The following NEK11 variants were observed in gnomAD, a reference collection of about 807,000 sequenced individuals.
NEK11 encodes NIMA related kinase 11.
A neutral mutation model predicts 80.7 loss-of-function variants in NEK11; 72 were observed. The ratio of observed to expected loss-of-function variants is 0.89; its 90% CI spans 0.74 to 1.08. The LOEUF is 1.08. Ranked by LOEUF, NEK11 falls within the 50% of genes least tolerant of loss-of-function variation. The pLI, the probability that NEK11 is intolerant of heterozygous loss-of-function variation, is 0.00. For synonymous variants in NEK11, 251 were observed against 260.7 expected, an observed-to-expected ratio of 0.96 and a Z score of 0.36; for missense variants, 764 against 763.6, an observed-to-expected ratio of 1.00 and a Z score of -0.01.
intron 14 of NEK11, among the ~76,000 whole-genome samples, chr3:131,202,166 C>G: frequency 6.6e-6 from 1 of 152,108 alleles, no homozygotes; most frequent in Non-Finnish European, 1.5e-5. Context: ...GTTTGCAGGT[C>G]CCAGCATGAT....
intron 17 of NEK11, among the ~76,000 whole-genome samples, chr3:131,278,411 T>C (rs2096337412): frequency 6.6e-6 from 1 of 152,160 alleles, no homozygotes; most frequent in African/African-American, 2.4e-5. Flanking sequence ...GATAGATAAA[T>C]GATGAATGGA....
chr3:131,311,663 T>C (rs1248456988), intron 17 of NEK11, among the ~76,000 whole-genome samples: 3 of 152,204 alleles, frequency 2.0e-5, no homozygotes, highest in Non-Finnish European at 2.9e-5. Flanking sequence ...GAAACATGGA[T>C]GATTGTGGAA....
chr3:131,144,639 G>A (rs2087746482), intron 7 of NEK11, among the ~76,000 whole-genome samples: 1 of 152,156 alleles, frequency 6.6e-6, no homozygotes, highest in African/African-American at 2.4e-5. Context: ...AACACTGACA[G>A]TGGTTCTGAG....
intron 4 of NEK11, among the ~76,000 whole-genome samples, chr3:131,094,821 C>G (rs967011979): frequency 4.6e-5 from 7 of 152,112 alleles, no homozygotes; most frequent in African/African-American, 1.7e-4. Context: ...ATGGGTTTGA[C>G]AAACCAGACA....
chr3:131,089,604 A>T (rs1242168307), intron 4 of NEK11, among the ~76,000 whole-genome samples: 1 of 151,846 alleles, frequency 6.6e-6, no homozygotes, highest in Non-Finnish European at 1.5e-5. Context: ...ACGCCTGGCT[A>T]ATTTTTGTGT....
chr3:131,069,305 A>G (rs556302874), intron 3 of NEK11, among the ~76,000 whole-genome samples: 35 of 152,168 alleles, frequency 2.3e-4, no homozygotes, highest in African/African-American at 7.9e-4. Context: ...TCTTGATTTT[A>G]TTGTCATCTG....
chr3:131,099,901 A>T (rs1578246993), intron 4 of NEK11, among the ~76,000 whole-genome samples: 1 of 152,214 alleles, frequency 6.6e-6, no homozygotes, highest in African/African-American at 2.4e-5. Flanking sequence ...GAATAGAATC[A>T]TACTGTCAGC....
chr3:131,331,058 CTT>C (rs1355524157), intron 17 of NEK11, among the ~76,000 whole-genome samples: 1 of 152,240 alleles, frequency 6.6e-6, no homozygotes, highest in Non-Finnish European at 1.5e-5. Flanking sequence ...GGTCCCACCT[CTT>C]AACACTGCTG....
At chr3:131,172,930 A>G (rs1397475509) in intron 14 of NEK11, among the ~76,000 whole-genome samples, 4 of 152,226 alleles carry the variant, frequency 2.6e-5, no homozygotes, top group Non-Finnish European at 4.4e-5. Context: ...CATTATATGT[A>G]AATTATAATG....
chr3:131,178,714 TAATAG>T (rs1290138010), intron 14 of NEK11, among the ~76,000 whole-genome samples: 1 of 152,208 alleles, frequency 6.6e-6, no homozygotes, highest in Non-Finnish European at 1.5e-5. Context: ...AAAATAATGA[TAATAG>T]TATAGTATAG....
intron 17 of NEK11, among the ~76,000 whole-genome samples, chr3:131,302,238 G>T (rs1255533390): frequency 6.6e-6 from 1 of 151,780 alleles, no homozygotes; most frequent in Non-Finnish European, 1.5e-5. Context: ...GTTTATTTGG[G>T]TCTTCTCATT....
intron 16 of NEK11, among the ~76,000 whole-genome samples, chr3:131,255,084 GAAAGAAA>G: frequency 1.8e-5 from 1 of 55,572 alleles, no homozygotes; most frequent in Non-Finnish European, 3.9e-5. Flanking sequence ...AAGAAGGAAA[GAAAGAAA>G]GAAAGAAAGA....
At chr3:131,238,197 T>C (rs1303495149) in intron 15 of NEK11, among the ~76,000 whole-genome samples, 16 of 152,318 alleles carry the variant, frequency 1.1e-4, no homozygotes. Flanking sequence ...GACCACCTTA[T>C]ATGAAATAGC....
At chr3:131,092,776 A>C (rs934650572) in intron 4 of NEK11, 2 of 152,214 alleles carry the variant, frequency 1.3e-5, no homozygotes, top group African/African-American at 4.8e-5. Context: ...GCCCATTTAG[A>C]GTGATTTAAG....
Position 131,132,828 on chromosome 3 carries a change from T to G in NEK11, c.520+19T>G. 1.6e-6 allele frequency: 2 copies of G among 1,218,500 alleles called. No individual in the cohort carries two copies. The highest frequency in any genetic ancestry group is 1.5e-5 in the African/African-American group (1 of 65,518). The allele number at this position is 1,218,500 out of a possible 1,614,324, so 75.5% of individuals were successfully genotyped here. ...AAAATTGGTAAGATTTTAAAAAGTATGAATTCCAAAAACGCAGAACAGTAT... is the reference window on the plus strand; with the variant it reads ...AAAATTGGTAAGATTTTAAAAAGTAGGAATTCCAAAAACGCAGAACAGTAT... On this transcript the variant is annotated intron_variant, in intron 6 of 17. Coordinates refer to ENST00000383366, the MANE Select transcript of NEK11 (RefSeq NM_024800.5).
chr3:131,203,323 G>T (rs1023037449), intron 14 of NEK11, among the ~76,000 whole-genome samples: 1 of 150,880 alleles, frequency 6.6e-6, no homozygotes, highest in Non-Finnish European at 1.5e-5. Flanking sequence ...GCAAACTATC[G>T]CAAGGACAAA....
intron 17 of NEK11, among the ~76,000 whole-genome samples, chr3:131,294,891 C>T (rs776209400): frequency 6.6e-5 from 10 of 152,108 alleles, no homozygotes; most frequent in Non-Finnish European, 1.5e-4. Flanking sequence ...ATTATTAAGG[C>T]TCCCCTTGAT....
At chr3:131,278,563 T>G (rs577300071) in intron 17 of NEK11, among the ~76,000 whole-genome samples, 91 of 152,156 alleles carry the variant, frequency 6.0e-4, no homozygotes, top group South Asian at 2.7e-3. Context: ...GTTTTGTTTT[T>G]TTTTGTTTTT....
At chr3:131,269,670 A>G (rs748544832) in intron 16 of NEK11, among the ~76,000 whole-genome samples, 4 of 152,146 alleles carry the variant, frequency 2.6e-5, no homozygotes, top group African/African-American at 7.2e-5. Flanking sequence ...AGCTGTTCCT[A>G]TTCGGCCATC....
Sources: gnomAD v4.1 joint callset for allele counts (sites outside exome capture counted in the v4.1 genomes callset) on GRCh38, gnomAD v4.1.1 for gene constraint, MANE v1.5 for transcripts, NCBI Gene and HGNC (gene_info 2026-07-23, HGNC 2026-07-21) for gene names.